GABRE: variants seen among roughly 807,000 people sequenced by gnomAD.
GABRE encodes the protein gamma-aminobutyric acid receptor subunit epsilon.
In GABRE, 20 loss-of-function variants were observed where a neutral mutation model predicts 31.0. The ratio of observed to expected loss-of-function variants is 0.64; its 90% CI spans 0.45 to 0.94. The LOEUF (loss-of-function observed/expected upper bound fraction) is 0.94. Among genes scored for constraint, GABRE ranks in the 40% least tolerant of loss-of-function variants. GABRE has a pLI of 0.00. For missense variants in GABRE, 420 were observed against 410.7 expected (o/e 1.02, Z -0.20); for synonymous variants, 155 against 150.6 (o/e 1.03, Z -0.21).
At chrX:151,969,874 AT>A (rs1934636153) in intron 2 of GABRE, 138 bp from the exon 3 acceptor site, 14 of 1,086,594 alleles carry the variant, frequency 1.3e-5, no homozygotes, top group Non-Finnish European at 1.6e-5. Context: ...CTATTTCTTT[AT>A]TTATTCTTTC....
chrX:151,972,162 C>T (rs190047197), intron 1 of GABRE: 1,750 of 751,329 alleles, frequency 2.3e-3, no homozygotes, highest in Non-Finnish European at 2.7e-3. Context: ...AAGCAAAATG[C>T]ATTTTTTCTG....
intron 4 of GABRE, 64 bp downstream of exon 4, chrX:151,962,359 T>C: frequency 2.0e-6 from 2 of 992,621 alleles, no homozygotes; most frequent in South Asian, 2.0e-5. Context: ...CATGGATCTT[T>C]AGCTAAAATT....
At position 151,953,884 on chromosome X, in the gene GABRE, G is replaced by A. The variant is rs1369374091; in HGVS notation, c.*817C>T. 2 of 112,123 alleles carry A rather than the reference G, an allele frequency of 1.8e-5. No individual in the cohort carries two copies. Among genetic ancestry groups the A allele is most frequent in the African/African-American group, 6.5e-5 (2 of 30,779 alleles). The allele number at this position is 112,123 out of a possible 1,213,427, so 9.2% of individuals were successfully genotyped here. A position where few individuals can be genotyped will look rare whatever the true frequency, so the allele number is the denominator to read the frequency against. ...GAAGTCACTGGGAAAGTTACAGAAA[G>A]AGTCACAGGGGTCAAAGAGAAGGAA... On this transcript the variant is annotated 3_prime_UTR_variant, in exon 9 of 9. Coordinates refer to ENST00000370328, the MANE Select transcript of GABRE (RefSeq NM_004961.4).
chrX:151,974,184 C>A (rs1934817848), intron 1 of GABRE, among the ~76,000 whole-genome samples: 1 of 111,984 alleles, frequency 8.9e-6, no homozygotes, highest in Admixed American at 9.4e-5. Flanking sequence ...CTCCGGCCCC[C>A]CCAGTAGCTG....
At chrX:151,965,284 T>C (rs1245399659) in intron 3 of GABRE, among the ~76,000 whole-genome samples, 1 of 112,107 alleles carries the variant, frequency 8.9e-6, no homozygotes, top group East Asian at 2.8e-4. Flanking sequence ...ACCTGTAACC[T>C]CTGAATGTGT....
chrX:151,967,961 A>T (rs1001507319), intron 3 of GABRE, among the ~76,000 whole-genome samples: 1 of 112,570 alleles, frequency 8.9e-6, no homozygotes, highest in Admixed American at 9.3e-5. Flanking sequence ...GGACCTCATG[A>T]TTTGCATCTG....
chrX:151,955,147 G>T, intron 8 of GABRE, 63 bp from the exon 9 acceptor site: 1 of 1,179,399 alleles, frequency 8.5e-7, no homozygotes, highest in East Asian at 3.2e-5. Flanking sequence ...TCTAAGTGCT[G>T]CCTCCGGATT....
rs1391740151 is a variant in GABRE at position 151,961,465 on chromosome X, T to A, written c.564-100A>T. 12 of 543,883 alleles carry A rather than the reference T, an allele frequency of 2.2e-5. No homozygotes were observed. In the East Asian group the frequency reaches 3.5e-4, roughly 16 times the overall value. 44.8% of individuals were successfully genotyped at this position (543,883 alleles called of 1,213,427 possible). On this transcript the variant is annotated intron_variant, in intron 4 of 8. Transcript: ENST00000370328. The stretch of plus-strand genomic sequence containing the variant: ...ACCACCAATGAATGGCCAGAGTCAA[T>A]TTTTTTCTTTGTTTGTTTGAGACAG...
chrX:151,960,591 G>T (rs758558064), intron 5 of GABRE, among the ~76,000 whole-genome samples: 75 of 111,850 alleles, frequency 6.7e-4, no homozygotes, highest in African/African-American at 2.0e-3. Flanking sequence ...ATTGATCCAT[G>T]AGAGTTAACG....
intron 4 of GABRE, 94 bp downstream of exon 4, chrX:151,962,329 T>C: frequency 8.9e-6 from 7 of 785,898 alleles, no homozygotes; most frequent in Non-Finnish European, 1.1e-5. Context: ...AGAGGTATCA[T>C]TCAGGATGAG....
Position 151,974,543 on chromosome X carries a change from CTCCCGGG to C in GABRE, c.56+20_56+26del. On this transcript the variant is annotated intron_variant, in intron 1 of 8. Transcript: ENST00000370328. ...GGGAGAGGGAGCTGGGCGCGAAGGG[CTCCCGGG>C]TCCCGGGATGGAGACTCACCTCGAC... The C allele has an allele frequency of 9.2e-7, 1 of 1,082,849 alleles. No individual in the cohort carries two copies. Among genetic ancestry groups the C allele is most frequent in the African/African-American group, 1.9e-5 (1 of 53,476 alleles). The allele number at this position is 1,082,849 out of a possible 1,213,427, so 89.2% of individuals were successfully genotyped here.
intron 2 of GABRE, 192 bp from the exon 3 acceptor site, chrX:151,969,928 A>T: frequency 9.3e-7 from 1 of 1,070,539 alleles, no homozygotes; most frequent in East Asian, 3.3e-5. Context: ...TTGGACACAC[A>T]TCTTGAAGAT....
At chrX:151,958,654 A>G in intron 6 of GABRE, 2 of 374,246 alleles carry the variant, frequency 5.3e-6, no homozygotes, top group South Asian at 4.9e-5. Flanking sequence ...GTGACTTGAA[A>G]GCCCCTGGGC....
rs147444382 is a variant in GABRE, at chrX:151,969,699, G to A, written c.312C>T (p.Asn104=). 260 of 1,207,667 alleles carry A rather than the reference G, an allele frequency of 2.2e-4. 2 individuals carry two copies. The East Asian group carries it at 7.5e-3, about 35-fold the overall frequency. The change falls in exon 3 of 9, where the codon AAC becomes AAT. Residue 104 remains asparagine, a synonymous_variant. Coordinates refer to ENST00000370328, the MANE Select transcript of GABRE (RefSeq NM_004961.4). The part of the protein sequence containing the change: ...PTVVTVEISV[N]SLGPLSILDM... ...CTAGGATAGAGAGAGGACCAAGGCT[G>A]TTGACGGAGATCTCAACAGTGACCA...
chrX:151,966,730 T>C (rs1934535516), intron 3 of GABRE, among the ~76,000 whole-genome samples: 1 of 112,264 alleles, frequency 8.9e-6, no homozygotes, highest in Non-Finnish European at 1.9e-5. Flanking sequence ...AGGCAAGGCA[T>C]TTCAGGAAAA....
intron 3 of GABRE, among the ~76,000 whole-genome samples, chrX:151,964,730 G>A (rs1934479540): frequency 8.9e-6 from 1 of 111,906 alleles, no homozygotes; most frequent in Non-Finnish European, 1.9e-5. Context: ...GAGCACCAGT[G>A]TTAATTAACC....
Position 151,955,061 on chromosome X carries a change from A to G in GABRE, c.1161T>C (p.His387=), listed in dbSNP as rs1175455365. Residue 387 remains histidine (H), a synonymous_variant, in exon 9 of 9, where the codon CAT becomes CAC. Coordinates refer to ENST00000370328, the MANE Select transcript of GABRE (RefSeq NM_004961.4). ...LRHPRINSRA[H]ARTRARSRAC... ...CTCGGGAACGTGCACGGGTACGGGC[A>G]TGGGCACGGCTATTGATACGAGGCT... 1 of 1,201,140 alleles carries G rather than the reference A, an allele frequency of 8.3e-7. No individual in the cohort carries two copies. Among genetic ancestry groups the G allele is most frequent in the Non-Finnish European group, 1.1e-6 (1 of 890,507 alleles).
chrX:151,955,756 C>G lies in GABRE; in HGVS notation c.889G>C (p.Val297Leu), dbSNP rs1246635130. 2 of 1,211,973 alleles carry G rather than the reference C, an allele frequency of 1.7e-6. No individual in the cohort carries two copies. Among genetic ancestry groups the G allele is most frequent in the Non-Finnish European group, 2.2e-6 (2 of 895,570 alleles). The change falls in exon 7 of 9, where the codon GTT (valine) becomes CTT (leucine). Residue 297 changes from valine to leucine, a missense_variant. Coordinates refer to ENST00000370328, the MANE Select transcript of GABRE (RefSeq NM_004961.4). ...PSSVTTMLSW[V>L]SFWIKTESAP... ...GACTCTGTCTTGATCCAAAAGGAAA[C>G]CCAGGAGAGCATCGTGGTCACGGAA...
At chrX:151,973,000 TGG>T (rs750580715) in intron 1 of GABRE, among the ~76,000 whole-genome samples, 1 of 104,644 alleles carries the variant, frequency 9.6e-6, no homozygotes, top group East Asian at 3.0e-4. Context: ...GTGTGAGAAG[TGG>T]GGGGGGGAGG....
Sources: gnomAD v4.1 joint callset for allele counts (sites outside exome capture counted in the v4.1 genomes callset) on GRCh38, gnomAD v4.1.1 for gene constraint, MANE v1.5 for transcripts, NCBI Gene and HGNC (gene_info 2026-07-23, HGNC 2026-07-21) for gene names.